Variants in RASSF3 observed in about 807,000 individuals in gnomAD.
RASSF3 encodes ras association domain-containing protein 3.
In RASSF3, 19 loss-of-function variants were observed where a neutral mutation model predicts 19.9. That is an observed-to-expected ratio of 0.96 (90% CI 0.67 to 1.40). The LOEUF is 1.40. RASSF3 is among the 40% of genes most tolerant of loss of function. The probability of loss-of-function intolerance (pLI) is 0.00; values close to 1 mark genes in which losing one functional copy is unlikely to be tolerated. For synonymous variants in RASSF3, 110 were observed against 104.2 expected (o/e 1.06, Z -0.34); for missense variants, 306 against 289.8 (o/e 1.06, Z -0.41).
intron 1 of RASSF3, among the ~76,000 whole-genome samples, chr12:64,625,218 A>T (rs1870945400): frequency 6.6e-6 from 1 of 151,754 alleles, no homozygotes; most frequent in Admixed American, 6.6e-5. Flanking sequence ...GGATTAATTT[A>T]TTATTATTAT....
chr12:64,650,783 T>G (rs1871925312), intron 1 of RASSF3, among the ~76,000 whole-genome samples: 1 of 152,194 alleles, frequency 6.6e-6, no homozygotes, highest in South Asian at 2.1e-4. Flanking sequence ...TAAACAATGG[T>G]TTCACTAAAG....
At chr12:64,513,906 G>A (rs1008026666) in intron 1 of RASSF3, among the ~76,000 whole-genome samples, 2 of 152,098 alleles carry the variant, frequency 1.3e-5, no homozygotes, top group Non-Finnish European at 2.9e-5. Context: ...TTGAGACAGA[G>A]TCTCGCTCTG....
Position 64,689,018 on chromosome 12 carries a change from C to T in RASSF3, c.457+565C>T, listed in dbSNP as rs576259119. On this transcript the variant is annotated intron_variant, in intron 3 of 4. Coordinates refer to ENST00000542104, the MANE Select transcript of RASSF3 (RefSeq NM_178169.4). ...ATTTTGGTACTCTGTCCCCCAGAGG[C>T]TCATCAAATGAGTGAATAACATTTT... Among the ~76,000 whole-genome samples, 15 of 152,248 alleles carry T rather than the reference C, an allele frequency of 9.9e-5. No homozygotes were observed. The East Asian group carries it at 2.9e-3, about 29-fold the overall frequency.
At chr12:64,689,791 CTTT>C (rs762822586) in intron 3 of RASSF3, among the ~76,000 whole-genome samples, 1 of 96,550 alleles carries the variant, frequency 1.0e-5, no homozygotes, top group Non-Finnish European at 2.0e-5. Flanking sequence ...TTCGCTAATT[CTTT>C]TTTTTTTTTT....
chr12:64,571,071 A>G (rs1225047217), intron 2 of RASSF3, among the ~76,000 whole-genome samples: 1 of 152,132 alleles, frequency 6.6e-6, no homozygotes, highest in African/African-American at 2.4e-5. Flanking sequence ...TACAAAAATC[A>G]GCCGGGTGTG....
intron 2 of RASSF3, among the ~76,000 whole-genome samples, chr12:64,685,682 C>T (rs1212042228): frequency 6.6e-6 from 1 of 152,170 alleles, no homozygotes; most frequent in African/African-American, 2.4e-5. Flanking sequence ...CAGTTTCTTC[C>T]ACGTCGCTGT....
chr12:64,515,868 G>A (rs1868360906), intron 1 of RASSF3, among the ~76,000 whole-genome samples: 1 of 152,070 alleles, frequency 6.6e-6, no homozygotes, highest in African/African-American at 2.4e-5. Flanking sequence ...GGCCTTTCAA[G>A]CTAGAAACAC....
Position 64,521,802 on chromosome 12 carries a change from A to G in RASSF3, c.169+14473A>G, listed in dbSNP as rs775747408. On this transcript the variant is annotated intron_variant, in intron 1 of 5. Transcript: ENST00000637125. ...AAGGAGAGGTTTCAGGAGCTCAAAGAGGGTAAATAATTTGCCCAGGTCACA... is the reference window on the plus strand; with the variant it reads ...AAGGAGAGGTTTCAGGAGCTCAAAGGGGGTAAATAATTTGCCCAGGTCACA... Among the ~76,000 whole-genome samples, 113 of 152,168 alleles carry G rather than the reference A, an allele frequency of 7.4e-4. 1 individual carries two copies. The highest frequency in any genetic ancestry group is 1.4e-3 in the Admixed American group (21 of 15,262).
intron 1 of RASSF3, among the ~76,000 whole-genome samples, chr12:64,630,747 G>T (rs545203663): frequency 1.3e-5 from 2 of 152,286 alleles, no homozygotes; most frequent in African/African-American, 4.8e-5. Flanking sequence ...AACACTGAAT[G>T]TGGGCAGAGA....
chr12:64,631,579 GTA>G (rs1439156093), intron 1 of RASSF3, among the ~76,000 whole-genome samples: 3 of 143,028 alleles, frequency 2.1e-5, no homozygotes, highest in African/African-American at 7.4e-5. Flanking sequence ...ATGTATGTAT[GTA>G]TGTATGTTGA....
intron 1 of RASSF3, among the ~76,000 whole-genome samples, chr12:64,610,980 C>T (rs1383692248): frequency 1.3e-5 from 2 of 152,304 alleles, no homozygotes; most frequent in East Asian, 1.9e-4. Flanking sequence ...CGGCTTCTGC[C>T]TTCCGCGCCA....
intron 1 of RASSF3, among the ~76,000 whole-genome samples, chr12:64,664,846 G>C (rs1245181): frequency 0.28 from 43,189 of 151,994 alleles, 6,645 homozygotes; most frequent in Non-Finnish European, 0.36. Flanking sequence ...TTGGCTGCTA[G>C]CCTTGCTTTT....
intron 1 of RASSF3, among the ~76,000 whole-genome samples, chr12:64,627,505 A>G (rs116074808): frequency 0.017 from 2,621 of 152,278 alleles, 80 homozygotes; most frequent in African/African-American, 0.059. Context: ...GGCAGACCAC[A>G]TCTCTAGTTT....
At chr12:64,657,066 A>G (rs565259012) in intron 1 of RASSF3, among the ~76,000 whole-genome samples, 30 of 150,386 alleles carry the variant, frequency 2.0e-4, no homozygotes, top group South Asian at 4.2e-4. Flanking sequence ...CTGGAGTGCA[A>G]TGGTGCTATC....
chr12:64,567,608 G>A (rs549855080), intron 2 of RASSF3, among the ~76,000 whole-genome samples: 48 of 152,332 alleles, frequency 3.2e-4, no homozygotes, highest in African/African-American at 1.0e-3. Context: ...CCTGAGTGAC[G>A]GCTCAGCCAC....
Position 64,688,354 on chromosome 12 carries a change from A to T in RASSF3, c.358A>T (p.Thr120Ser), listed in dbSNP as rs1873440762. 8 of 1,614,152 alleles carry T rather than the reference A, an allele frequency of 5.0e-6. No homozygotes were observed. The highest frequency in any genetic ancestry group is 1.1e-5 in the South Asian group (1 of 91,088). Residue 120 changes from threonine to serine, a missense_variant, in exon 3 of 5, where the codon ACT becomes TCT. Thr to Ser is a moderately conservative substitution (Grantham distance 58). Coordinates refer to ENST00000542104, the MANE Select transcript of RASSF3 (RefSeq NM_178169.4). ...TACACTTCATATCAGCAGCACAAAC[A>T]CTGTCGGGGAAGTGATCGAGGCCCT... ...MNTLHISSTN[T>S]VGEVIEALLK...
At chr12:64,547,211 G>C (rs1869078911) in intron 2 of RASSF3, among the ~76,000 whole-genome samples, 1 of 150,696 alleles carries the variant, frequency 6.6e-6, no homozygotes. Flanking sequence ...GGTGGAAGTT[G>C]CAGTGAGCCG....
At chr12:64,537,216 C>A (rs563524631) in intron 1 of RASSF3, among the ~76,000 whole-genome samples, 28 of 152,300 alleles carry the variant, frequency 1.8e-4, no homozygotes, top group Non-Finnish European at 1.8e-4. Flanking sequence ...TCTCCTTGCC[C>A]TAGTTCTTAC....
intron 2 of RASSF3, among the ~76,000 whole-genome samples, chr12:64,591,233 T>C (rs1327240800): frequency 6.6e-6 from 1 of 152,044 alleles, no homozygotes; most frequent in Non-Finnish European, 1.5e-5. Context: ...TCCCAGCACT[T>C]TGGGAGGCCG....
Sources: gnomAD v4.1 joint callset for allele counts (sites outside exome capture counted in the v4.1 genomes callset) on GRCh38, gnomAD v4.1.1 for gene constraint, MANE v1.5 for transcripts, NCBI Gene and HGNC (gene_info 2026-07-23, HGNC 2026-07-21) for gene names.